Variants in IGF1 observed in about 807,000 individuals in gnomAD.
IGF1 encodes the protein insulin-like growth factor 1.
In IGF1, 4 loss-of-function variants were observed where a neutral mutation model predicts 13.8. That is an observed-to-expected ratio of 0.29 (90% CI 0.14 to 0.66). The LOEUF is 0.66. Among genes scored for constraint, IGF1 ranks in the 30% least tolerant of loss-of-function variants. IGF1 has a pLI of 0.78. For missense variants in IGF1, 124 were observed against 188.5 expected, an observed-to-expected ratio of 0.66 and a Z score of 2.00; for synonymous variants, 76 against 72.6, an observed-to-expected ratio of 1.05 and a Z score of -0.23.
chr12:102,442,594 C>T (rs1877960737), intron 2 of IGF1, among the ~76,000 whole-genome samples: 1 of 152,062 alleles, frequency 6.6e-6, no homozygotes, highest in Admixed American at 6.6e-5. Context: ...TTCTAATTGT[C>T]ATCTCTTATG....
rs1307718335 is a variant in IGF1 at position 102,396,362 on chromosome 12, GA to G, written c.*6144del. The G allele has an allele frequency of 3.3e-5, 5 of 152,378 alleles. No homozygotes were observed. The East Asian group carries it at 7.7e-4, about 23-fold the overall frequency. 9.4% of individuals were successfully genotyped at this position (152,378 alleles called of 1,614,324 possible). The stretch of plus-strand genomic sequence containing the variant: ...GATATTTGAAAGGTTTTGATATTTT[GA>G]ATAGACATTTTCATGATACACAGAC... On this transcript the variant is annotated 3_prime_UTR_variant, in exon 4 of 4. Coordinates refer to ENST00000337514, the MANE Select transcript of IGF1 (RefSeq NM_000618.5).
chr12:102,447,372 A>T (rs1878450095), intron 2 of IGF1, among the ~76,000 whole-genome samples: 1 of 152,152 alleles, frequency 6.6e-6, no homozygotes, highest in African/African-American at 2.4e-5. Flanking sequence ...GTCTCTTTGT[A>T]GGTCTCTAAA....
intron 2 of IGF1, among the ~76,000 whole-genome samples, chr12:102,440,013 G>C (rs1236095607): frequency 2.0e-5 from 3 of 152,180 alleles, no homozygotes; most frequent in Non-Finnish European, 4.4e-5. Flanking sequence ...TTAAATGTAG[G>C]ATGACAACCA....
chr12:102,433,569 A>G (rs1324078553), intron 2 of IGF1, among the ~76,000 whole-genome samples: 1 of 152,156 alleles, frequency 6.6e-6, no homozygotes, highest in Non-Finnish European at 1.5e-5. Context: ...TTAACTGTAT[A>G]TTAGCCTTTT....
chr12:102,402,612 T>C (rs1380551694), intron 3 of IGF1, 46 bp from the exon 4 acceptor site: 2 of 779,640 alleles, frequency 2.6e-6, no homozygotes, highest in South Asian at 2.7e-5. Context: ...TGAAGTTTTA[T>C]GTATCCATCT....
intron 3 of IGF1, among the ~76,000 whole-genome samples, chr12:102,412,301 AC>A (rs1309681104): frequency 1.3e-5 from 2 of 152,278 alleles, no homozygotes; most frequent in East Asian, 3.9e-4. Flanking sequence ...TCACTGAAAG[AC>A]AATCCAAGAA....
At chr12:102,445,503 T>C (rs1227471161) in intron 2 of IGF1, among the ~76,000 whole-genome samples, 1 of 152,220 alleles carries the variant, frequency 6.6e-6, no homozygotes. Flanking sequence ...GTAGCAATTG[T>C]GAATGGAGTT....
At chr12:102,462,241 A>G (rs1235907171) in intron 2 of IGF1, among the ~76,000 whole-genome samples, 1 of 152,250 alleles carries the variant, frequency 6.6e-6, no homozygotes, top group Non-Finnish European at 1.5e-5. Context: ...GTTTCTTGCC[A>G]CAAAACACTT....
At chr12:102,472,470 T>C (rs945236118) in intron 2 of IGF1, among the ~76,000 whole-genome samples, 1 of 152,184 alleles carries the variant, frequency 6.6e-6, no homozygotes, top group African/African-American at 2.4e-5. Flanking sequence ...ATGATAGATA[T>C]GGAGGCAATT....
intron 2 of IGF1, among the ~76,000 whole-genome samples, chr12:102,444,338 C>T (rs1283924063): frequency 6.6e-6 from 1 of 151,444 alleles, no homozygotes; most frequent in African/African-American, 2.4e-5. Flanking sequence ...AGCAAAAGTT[C>T]AGATTACATC....
chr12:102,443,297 A>T (rs1042242810), intron 2 of IGF1, among the ~76,000 whole-genome samples: 1 of 152,134 alleles, frequency 6.6e-6, no homozygotes, highest in African/African-American at 2.4e-5. Context: ...AGCTTCTGGG[A>T]TCCTTCATTA....
intron 2 of IGF1, among the ~76,000 whole-genome samples, chr12:102,441,472 A>T (rs5742655): frequency 6.8e-4 from 104 of 152,308 alleles, no homozygotes; most frequent in African/African-American, 2.5e-3. Flanking sequence ...GATGAGCTGA[A>T]GCAAAGGGGG....
At chr12:102,447,541 A>G (rs537294507) in intron 2 of IGF1, among the ~76,000 whole-genome samples, 4 of 151,414 alleles carry the variant, frequency 2.6e-5, no homozygotes, top group African/African-American at 9.7e-5. Flanking sequence ...TAGGATTGCA[A>G]CCTCTTCTTG....
chr12:102,458,077 T>C (rs1309488264), intron 2 of IGF1, among the ~76,000 whole-genome samples: 1 of 152,204 alleles, frequency 6.6e-6, no homozygotes, highest in Non-Finnish European at 1.5e-5. Flanking sequence ...GATCCATTTC[T>C]GGTGCCTGAG....
At chr12:102,448,553 G>A (rs1349678361) in intron 2 of IGF1, among the ~76,000 whole-genome samples, 1 of 104,084 alleles carries the variant, frequency 9.6e-6, no homozygotes, top group Non-Finnish European at 1.9e-5. Context: ...GTGGGGGGAG[G>A]GGGGAGGGAT....
intron 3 of IGF1, among the ~76,000 whole-genome samples, chr12:102,406,272 T>C (rs1304344919): frequency 6.6e-6 from 1 of 152,230 alleles, no homozygotes; most frequent in Non-Finnish European, 1.5e-5. Context: ...TTAACTTAAT[T>C]ACGCCAGCCA....
Position 102,438,480 on chromosome 12 carries a change from C to T in IGF1, c.221-18790G>A, listed in dbSNP as rs370486281. ...AGTTCACCAGCCTATTCAAGATGGT[C>T]GAGGAACAGCCTATTCAAGTTCCAC... On this transcript the variant is annotated intron_variant, in intron 2 of 3. Coordinates refer to ENST00000337514, the MANE Select transcript of IGF1 (RefSeq NM_000618.5). Among the ~76,000 whole-genome samples the T allele has an allele frequency of 2.6e-5, 4 of 152,146 alleles. No homozygotes were observed. In the East Asian group the frequency reaches 7.7e-4, roughly 29 times the overall value.
intron 2 of IGF1, among the ~76,000 whole-genome samples, chr12:102,429,745 T>C (rs944364598): frequency 6.6e-6 from 1 of 152,190 alleles, no homozygotes; most frequent in Non-Finnish European, 1.5e-5. Flanking sequence ...TCATACCCTT[T>C]CTTATTTTTC....
At chr12:102,445,177 TC>T (rs1878207698) in intron 2 of IGF1, among the ~76,000 whole-genome samples, 1 of 152,192 alleles carries the variant, frequency 6.6e-6, no homozygotes. Flanking sequence ...GCGTGATGCC[TC>T]CAGCTTTGTT....
Sources: allele counts gnomAD v4.1 joint callset (sites outside exome capture counted in the v4.1 genomes callset), GRCh38; gene constraint gnomAD v4.1.1; transcripts MANE v1.5; gene names NCBI Gene and HGNC (gene_info 2026-07-23, HGNC 2026-07-21).